The following MORN5 variants were observed in gnomAD, a reference collection of about 807,000 sequenced individuals.
MORN5 encodes the protein MORN repeat-containing protein 5.
Under a neutral mutation model 22.1 loss-of-function variants are expected in MORN5, and 21 were observed. The ratio of observed to expected loss-of-function variants is 0.95; its 90% CI spans 0.67 to 1.37. The LOEUF is 1.37. Ranked by LOEUF, MORN5 falls within the 40% of genes most tolerant of loss-of-function variation. The pLI, the probability that MORN5 is intolerant of heterozygous loss-of-function variation, is 0.00. For synonymous variants in MORN5, 73 were observed against 74.0 expected, an observed-to-expected ratio of 0.99 and a Z score of 0.07; for missense variants, 211 against 215.1, an observed-to-expected ratio of 0.98 and a Z score of 0.12.
chr9:122,178,278 C>T (rs1221371052), intron 4 of MORN5, among the ~76,000 whole-genome samples: 1 of 152,168 alleles, frequency 6.6e-6, no homozygotes, highest in Admixed American at 6.5e-5. Flanking sequence ...CACCTGAGGT[C>T]AGGATTTCAA....
rs868400161 is a variant in MORN5, at chr9:122,169,816, C to T, written c.307+60C>T. On this transcript the variant is annotated intron_variant, in intron 3 of 4. Transcript: ENST00000373764. ...ACTGAGAGGGAAACTAAGACAGTTT[C>T]GGATAAGTGGACTGTGTCCTACTAA... 56 of 1,127,930 alleles carry T rather than the reference C, an allele frequency of 5.0e-5. No individual in the cohort carries two copies. In the Middle Eastern group the frequency reaches 3.5e-3, roughly 71 times the overall value. 69.9% of individuals were successfully genotyped at this position (1,127,930 alleles called of 1,614,324 possible). A position where few individuals can be genotyped will look rare whatever the true frequency, so the allele number is the denominator to read the frequency against.
intron 4 of MORN5, among the ~76,000 whole-genome samples, chr9:122,192,089 G>A (rs1442086920): frequency 3.3e-5 from 5 of 152,348 alleles, no homozygotes; most frequent in Admixed American, 1.3e-4. Context: ...AAGACGAGGA[G>A]GGTGGCTCAG....
chr9:122,178,736 C>T (rs1478242661), intron 4 of MORN5, among the ~76,000 whole-genome samples: 1 of 152,186 alleles, frequency 6.6e-6, no homozygotes, highest in Non-Finnish European at 1.5e-5. Context: ...GTGATCAAAA[C>T]CTTCATTCCT....
In MORN5 at chr9:122,169,764, G is replaced by A; in HGVS notation, c.307+8G>A. 2 of 1,575,588 alleles carry A rather than the reference G, an allele frequency of 1.3e-6. No homozygotes were observed. Among genetic ancestry groups the A allele is most frequent in the South Asian group, 2.2e-5 (2 of 90,336 alleles). ...ATGGCTTGAAGCCTGCAGGTACCCA[G>A]GCACCCACCCTTTCCTTCATACCCA... On this transcript the variant is annotated splice_region_variant and intron_variant, in intron 3 of 4. Coordinates refer to ENST00000373764, the MANE Select transcript of MORN5 (RefSeq NM_198469.4).
In MORN5 at chr9:122,174,635, T is replaced by C. The variant is rs185622996; in HGVS notation, c.439+8T>C. 3 of 1,614,138 alleles carry C rather than the reference T, an allele frequency of 1.9e-6. No individual in the cohort carries two copies. Among genetic ancestry groups the C allele is most frequent in the South Asian group, 1.1e-5 (1 of 91,080 alleles). Reference sequence around the variant, plus strand: ...GCTTTCTAAGAAACGCAGGTAGGTTTCTTCCGACACTGCAGCACGTTTTCT... The same window carrying C: ...GCTTTCTAAGAAACGCAGGTAGGTTCCTTCCGACACTGCAGCACGTTTTCT... On this transcript the variant is annotated splice_region_variant and intron_variant, in intron 4 of 4. Coordinates refer to ENST00000373764, the MANE Select transcript of MORN5 (RefSeq NM_198469.4).
intron 1 of MORN5, among the ~76,000 whole-genome samples, chr9:122,162,922 T>C (rs1829223491): frequency 6.6e-6 from 1 of 152,034 alleles, no homozygotes; most frequent in South Asian, 2.1e-4. Flanking sequence ...CCAGGTGATG[T>C]CAAAACGTGT....
chr9:122,164,385 G>A (rs1308906564), intron 1 of MORN5, among the ~76,000 whole-genome samples: 1 of 152,216 alleles, frequency 6.6e-6, no homozygotes, highest in Non-Finnish European at 1.5e-5. Flanking sequence ...AAGCAGTGAA[G>A]CTGCAGGAAA....
chr9:122,166,955 C>T (rs1404543481), intron 2 of MORN5, 40 bp downstream of exon 2: 1 of 1,585,868 alleles, frequency 6.3e-7, no homozygotes, highest in Admixed American at 1.7e-5. Context: ...AGGAGAGATC[C>T]TCACGCAAGA....
At chr9:122,177,493 C>T (rs539538649) in intron 4 of MORN5, among the ~76,000 whole-genome samples, 11 of 152,232 alleles carry the variant, frequency 7.2e-5, no homozygotes, top group Non-Finnish European at 1.0e-4. Flanking sequence ...AGTAAAATGA[C>T]GCGATCTTGG....
At chr9:122,161,161 T>C (rs1239355030) in intron 1 of MORN5, among the ~76,000 whole-genome samples, 1 of 152,164 alleles carries the variant, frequency 6.6e-6, no homozygotes, top group Non-Finnish European at 1.5e-5. Context: ...GCTGAACCAG[T>C]GCTAGTTGTC....
At position 122,171,946 on chromosome 9, in the gene MORN5, CTTTTTTTTT is replaced by C. The variant is rs71371928; in HGVS notation, c.307+2208_307+2216del. Among the ~76,000 whole-genome samples the C allele has an allele frequency of 6.3e-3, 372 of 58,620 alleles. 2 individuals are homozygous for C. The highest frequency in any genetic ancestry group is 0.017 in the African/African-American group (287 of 16,412). 38.5% of individuals were successfully genotyped at this position (58,620 alleles called of 152,430 possible). ...TTCTCCATTCTGCAGTCACTTCCAT[CTTTTTTTTT>C]TTTTTTTTTTTTTTTTTGAGACAGA... On this transcript the variant is annotated intron_variant, in intron 3 of 4. Coordinates refer to ENST00000373764, the MANE Select transcript of MORN5 (RefSeq NM_198469.4).
chr9:122,178,879 G>T (rs113382716), intron 4 of MORN5, among the ~76,000 whole-genome samples: 1 of 152,198 alleles, frequency 6.6e-6, no homozygotes, highest in Non-Finnish European at 1.5e-5. Context: ...TCCATAGAGC[G>T]TTCCCTTTCT....
Position 122,199,887 on chromosome 9 carries a change from G to A in MORN5, c.442G>A (p.Asp148Asn), listed in dbSNP as rs200947592. Reference sequence around the variant, plus strand: ...CAGCTCTTCCTCTTTCCTTGCAGATGATGACGAGCATGAGTGGATCACCCG... The same window carrying A: ...CAGCTCTTCCTCTTTCCTTGCAGATAATGACGAGCATGAGTGGATCACCCG... Reference protein sequence around the residue: ...YRNRFLRNADDDEHEWITRTC... With the variant: ...YRNRFLRNADNDEHEWITRTC... Residue 148 changes from aspartate (D) to asparagine (N), a missense_variant and splice_region_variant, in exon 5 of 5, where the codon GAT becomes AAT. Asp to Asn is a conservative substitution (Grantham distance 23, BLOSUM62 1). Coordinates refer to ENST00000373764, the MANE Select transcript of MORN5 (RefSeq NM_198469.4). The A allele has an allele frequency of 6.2e-7, 1 of 1,613,850 alleles. No individual in the cohort carries two copies. Among genetic ancestry groups the A allele is most frequent in the Admixed American group, 1.7e-5 (1 of 59,998 alleles).
intron 4 of MORN5, among the ~76,000 whole-genome samples, chr9:122,189,054 G>A (rs1248553941): frequency 6.6e-6 from 1 of 152,118 alleles, no homozygotes; most frequent in East Asian, 1.9e-4. Flanking sequence ...AATTAGCCCG[G>A]TGTGGTGGCG....
At chr9:122,178,857 G>T (rs1055611681) in intron 4 of MORN5, among the ~76,000 whole-genome samples, 1 of 152,182 alleles carries the variant, frequency 6.6e-6, no homozygotes, top group African/African-American at 2.4e-5. Flanking sequence ...GTGTCCTGGA[G>T]AACTGCTGGG....
In MORN5 at chr9:122,166,926, G is replaced by T. The variant is rs762858232; in HGVS notation, c.195+11G>T. ...GGATTGGCCATAAAGGTGATCAGCT[G>T]GGGGGACGGATGCTGTGGAGGAGAG... On this transcript the variant is annotated intron_variant, in intron 2 of 4. Coordinates refer to ENST00000373764, the MANE Select transcript of MORN5 (RefSeq NM_198469.4). 2.7e-5 allele frequency: 44 copies of T among 1,611,190 alleles called. No individual in the cohort carries two copies. The highest frequency in any genetic ancestry group is 9.9e-5 in the South Asian group (9 of 90,494).
rs12685583 is a variant in MORN5, at chr9:122,191,146, T to C, written c.440-8739T>C. 7.4e-4 allele frequency among the ~76,000 whole-genome samples: 113 copies of C among 152,302 alleles called. 2 individuals carry two copies. In the East Asian group the frequency reaches 0.02, roughly 27 times the overall value. On this transcript the variant is annotated intron_variant, in intron 4 of 4. Transcript: ENST00000373764. ...CTGTGGGTTGGAAGTGCCTCTGCTC[T>C]CTGCACGTGATGACACACACTGAGA...
chr9:122,183,743 T>C (rs886881084), intron 4 of MORN5, among the ~76,000 whole-genome samples: 2 of 152,180 alleles, frequency 1.3e-5, no homozygotes, highest in Non-Finnish European at 2.9e-5. Flanking sequence ...TCAAACAGCA[T>C]ATAATTCCCA....
chr9:122,189,556 T>C (rs9802913), intron 4 of MORN5, among the ~76,000 whole-genome samples: 76,774 of 152,066 alleles, frequency 0.5, 22,628 homozygotes, highest in African/African-American at 0.8. Context: ...ATGATCACAC[T>C]GTGCACTACA....
Sources: allele counts gnomAD v4.1 joint callset (sites outside exome capture counted in the v4.1 genomes callset), GRCh38; gene constraint gnomAD v4.1.1; transcripts MANE v1.5; gene names NCBI Gene and HGNC (gene_info 2026-07-23, HGNC 2026-07-21).